Variants in IFT172 observed in about 807,000 individuals in gnomAD.
IFT172 encodes the protein intraflagellar transport 172, also known as intraflagellar transport protein 172 homolog.
IFT172 carries 164 observed loss-of-function variants against 248.9 expected under a neutral mutation model. The observed-to-expected ratio is 0.66, with a 90% CI of 0.58 to 0.75. IFT172 has a LOEUF of 0.75. Among genes scored for constraint, IFT172 ranks in the 30% least tolerant of loss-of-function variants. The pLI is 0.00. For missense variants in IFT172, 1,950 were observed against 2,192.4 expected, an observed-to-expected ratio of 0.89 and a Z score of 2.21; for synonymous variants, 729 against 791.6, an observed-to-expected ratio of 0.92 and a Z score of 1.33.
chr2:27,459,439 T>C lies in IFT172; in HGVS notation c.2726A>G (p.Asn909Ser), dbSNP rs752249715. 3 of 1,614,228 alleles carry C rather than the reference T, an allele frequency of 1.9e-6. No individual in the cohort carries two copies. The highest frequency in any genetic ancestry group is 1.3e-5 in the African/African-American group (1 of 75,058). The part of the protein sequence containing the change: ...AIYILDLQDR[N>S]TASKYYPLVA... ...GAGAGGATAGTATTTGGATGCAGTG[T>C]TCCGGTCCTGTAGATCTAATATATA... Residue 909 changes from asparagine to serine, a missense_variant, in exon 25 of 48, where the codon AAC becomes AGC. Physicochemically the swap from Asn to Ser is conservative, Grantham distance 46. Around this residue, in one of 3 missense-constraint regions of IFT172, gnomAD observed 1,166 missense variants for 1,254.1 expected, o/e 0.93. Coordinates refer to ENST00000260570, the MANE Select transcript of IFT172 (RefSeq NM_015662.3).
At position 27,454,801 on chromosome 2, in the gene IFT172, C is replaced by T. The variant is rs1029517603; in HGVS notation, c.3372-141G>A. The stretch of plus-strand genomic sequence containing the variant: ...TAACAAATATGAAGTGACAGAAAAG[C>T]GTGGAGAGATAAAAAGGAAGACGGG... On this transcript the variant is annotated intron_variant, in intron 30 of 47. Coordinates refer to ENST00000260570, the MANE Select transcript of IFT172 (RefSeq NM_015662.3). The surrounding 1 kb of genome is among the most constrained non-coding windows in gnomAD (Gnocchi z 4.2). The T allele has an allele frequency of 2.8e-6, 2 of 725,838 alleles. No individual in the cohort carries two copies. Among genetic ancestry groups the T allele is most frequent in the Admixed American group, 2.5e-5 (1 of 40,530 alleles). The allele number at this position is 725,838 out of a possible 1,614,324, so 45.0% of individuals were successfully genotyped here.
intron 7 of IFT172, 147 bp from the exon 8 acceptor site, chr2:27,481,407 T>A: frequency 4.9e-5 from 29 of 596,746 alleles, no homozygotes; most frequent in Non-Finnish European, 5.7e-5. Context: ...ATCCTAATCC[T>A]GAACTCTTCA....
At chr2:27,459,856 C>T (rs1666505733) in intron 23 of IFT172, 27 bp from the exon 24 acceptor site, 1 of 1,606,414 alleles carries the variant, frequency 6.2e-7, no homozygotes, top group Non-Finnish European at 8.5e-7. Flanking sequence ...AGATGCTCAG[C>T]CCAGATTTCC....
intron 7 of IFT172, among the ~76,000 whole-genome samples, chr2:27,481,475 A>C (rs934141273): frequency 4.0e-5 from 6 of 151,278 alleles, no homozygotes; most frequent in Non-Finnish European, 8.8e-5. Context: ...ACACACCCCT[A>C]TACACATAGG....
chr2:27,459,075 C>T lies in IFT172; in HGVS notation c.2788-207G>A, dbSNP rs553493006. 6.3e-6 allele frequency: 4 copies of T among 636,602 alleles called. No individual in the cohort carries two copies. In the African/African-American group the frequency reaches 7.3e-5, roughly 12 times the overall value. 39.4% of individuals were successfully genotyped at this position (636,602 alleles called of 1,614,324 possible). A position where few individuals can be genotyped will look rare whatever the true frequency, so the allele number is the denominator to read the frequency against. On this transcript the variant is annotated intron_variant, in intron 25 of 47. Transcript: ENST00000260570. ...CCCAAACAGTGGAATCCAAAAGGGC[C>T]TCACATTTCTGCAATGCAAAGCAAT...
chr2:27,484,150 C>A, intron 4 of IFT172, 77 bp downstream of exon 4: 1 of 1,578,918 alleles, frequency 6.3e-7, no homozygotes, highest in Non-Finnish European at 8.7e-7. Flanking sequence ...AAATGCAACT[C>A]CTGGCTGTAT....
chr2:27,458,178 T>A lies in IFT172; in HGVS notation c.2923A>T (p.Ile975Phe), dbSNP rs772460896. The A allele has an allele frequency of 6.2e-7, 1 of 1,614,158 alleles. No individual in the cohort carries two copies. Among genetic ancestry groups the A allele is most frequent in the South Asian group, 1.1e-5 (1 of 91,086 alleles). Residue 975 changes from isoleucine (I) to phenylalanine (F), a missense_variant, in exon 27 of 48, where the codon ATC becomes TTC. Physicochemically the swap from Ile to Phe is conservative, Grantham distance 21 (BLOSUM62 0). Around this residue, in one of 3 missense-constraint regions of IFT172, gnomAD observed 1,166 missense variants for 1,254.1 expected, o/e 0.93. Coordinates refer to ENST00000260570, the MANE Select transcript of IFT172 (RefSeq NM_015662.3). The part of the protein sequence containing the change: ...MRPEDVSVLY[I>F]TQAQEMEKQG... The stretch of plus-strand genomic sequence containing the variant: ...TTCTCCATTTCCTGGGCCTGAGTGA[T>A]GTATAGCACTGACACATCTTCTGGT...
chr2:27,448,786 G>C (rs905705036), intron 40 of IFT172, 129 bp downstream of exon 40: 2 of 688,258 alleles, frequency 2.9e-6, no homozygotes, highest in Admixed American at 2.1e-5. Context: ...GGAGATGCGT[G>C]GGGGGCTCTG....
chr2:27,445,881 C>T lies in IFT172; in HGVS notation c.4816-38G>A, dbSNP rs780617403. 2.5e-6 allele frequency: 4 copies of T among 1,614,156 alleles called. No individual in the cohort carries two copies. The highest frequency in any genetic ancestry group is 3.4e-6 in the Non-Finnish European group (4 of 1,180,010). ...GGGCAACCATGAACTAGGCACAGCTCGCGACTGGCAAAAACCTCCACCCTC... is the reference window on the plus strand; with the variant it reads ...GGGCAACCATGAACTAGGCACAGCTTGCGACTGGCAAAAACCTCCACCCTC... On this transcript the variant is annotated intron_variant, in intron 44 of 47. Coordinates refer to ENST00000260570, the MANE Select transcript of IFT172 (RefSeq NM_015662.3). The surrounding 1 kb of genome is among the most constrained non-coding windows in gnomAD (Gnocchi z 4.4).
At position 27,454,395 on chromosome 2, in the gene IFT172, A is replaced by C. The variant is rs575600732; in HGVS notation, c.3489T>G (p.Ala1163=). 22 of 1,614,106 alleles carry C rather than the reference A, an allele frequency of 1.4e-5. No homozygotes were observed. The highest frequency in any genetic ancestry group is 1.8e-5 in the Non-Finnish European group (21 of 1,180,040). Residue 1163 remains alanine (A), a synonymous_variant, in exon 32 of 48, where the codon GCT becomes GCG. Coordinates refer to ENST00000260570, the MANE Select transcript of IFT172 (RefSeq NM_015662.3). The surrounding 1 kb of genome is among the most constrained non-coding windows in gnomAD (Gnocchi z 4.2). ...TGGGTTTACCAGCTCTGATGAATTCAGCTTCAGCCTCTTCGAATTTACCCT... is the reference window on the plus strand; with the variant it reads ...TGGGTTTACCAGCTCTGATGAATTCCGCTTCAGCCTCTTCGAATTTACCCT... ...EDEGKFEEAE[A]EFIRAGKPKE... is the part of the protein sequence containing the mutation.
chr2:27,459,597 C>G (rs368206047), intron 24 of IFT172, 75 bp from the exon 25 acceptor site: 2 of 1,602,946 alleles, frequency 1.2e-6, no homozygotes, highest in Non-Finnish European at 8.5e-7. Context: ...ACCCTTTAAG[C>G]ACACTTCAAC....
chr2:27,459,339 C>T, intron 25 of IFT172, 39 bp downstream of exon 25: 6 of 1,608,202 alleles, frequency 3.7e-6, no homozygotes, highest in Non-Finnish European at 4.2e-6. Context: ...TTATCCTCTA[C>T]TGCATTGCCT....
chr2:27,453,947 C>A, intron 33 of IFT172, 35 bp downstream of exon 33: 2 of 1,577,666 alleles, frequency 1.3e-6, no homozygotes, highest in South Asian at 1.1e-5. Flanking sequence ...ACAAACTCTC[C>A]CCCTCCCCTC....
intron 18 of IFT172, among the ~76,000 whole-genome samples, chr2:27,463,692 G>A (rs1490553298): frequency 6.6e-6 from 1 of 152,102 alleles, no homozygotes; most frequent in African/African-American, 2.4e-5. Flanking sequence ...GGTAGTTGGA[G>A]GTCTCTCTGA....
At chr2:27,453,157 A>G (rs1419926290) in intron 35 of IFT172, 2 of 683,386 alleles carry the variant, frequency 2.9e-6, no homozygotes, top group Non-Finnish European at 5.5e-6. Context: ...TGAGCCATTT[A>G]TTGGTCTAAT....
At chr2:27,461,579 G>T in intron 21 of IFT172, 62 bp from the exon 22 acceptor site, 2 of 1,581,590 alleles carry the variant, frequency 1.3e-6, no homozygotes, top group Admixed American at 1.7e-5. Flanking sequence ...TGCCTCCCAT[G>T]CTTCTCCAAT....
Position 27,457,733 on chromosome 2 carries a change from A to C in IFT172, c.3134T>G (p.Leu1045Arg). ...LGKELEAEGRLQEAEYHYLEA... is the reference protein window; with the variant it reads ...LGKELEAEGRRQEAEYHYLEA... ...GAGGTAGTGGTACTCAGCCTCCTGT[A>C]GTCGGCCTTCAGCCTCCAGCTCCTG... Residue 1045 changes from leucine to arginine, a missense_variant, in exon 29 of 48, where the codon CTA (leucine) becomes CGA (arginine). By Grantham distance (102) the Leu-to-Arg change is moderately radical (BLOSUM62 -2). This residue lies in a region of IFT172 where 164 missense variants were observed against 239.3 expected (regional missense o/e 0.69). Coordinates refer to ENST00000260570, the MANE Select transcript of IFT172 (RefSeq NM_015662.3). The C allele has an allele frequency of 6.2e-7, 1 of 1,614,040 alleles. No individual in the cohort carries two copies. Among genetic ancestry groups the C allele is most frequent in the Non-Finnish European group, 8.5e-7 (1 of 1,179,982 alleles).
rs1355860343 is a variant in IFT172, at chr2:27,471,033, C to T, written c.1587G>A (p.Met529Ile). ...GCACGTCACTTCCTGGGACCCACTGCATATAGGAGCAGAAGTTGAGGATCA... is the reference window on the plus strand; with the variant it reads ...GCACGTCACTTCCTGGGACCCACTGTATATAGGAGCAGAAGTTGAGGATCA... ...KTMILNFCSY[M>I]QWVPGSDVLV... is the part of the protein sequence containing the mutation. The change falls in exon 16 of 48, where the codon ATG becomes ATA. Residue 529 changes from methionine (M) to isoleucine (I), a missense_variant. By Grantham distance (10) the Met-to-Ile change is conservative. This residue lies in a region of IFT172 where 1,166 missense variants were observed against 1,254.1 expected (regional missense o/e 0.93). Coordinates refer to ENST00000260570, the MANE Select transcript of IFT172 (RefSeq NM_015662.3). 12 of 1,613,952 alleles carry T rather than the reference C, an allele frequency of 7.4e-6. No individual in the cohort carries two copies. Among genetic ancestry groups the T allele is most frequent in the Non-Finnish European group, 1.0e-5 (12 of 1,179,964 alleles).
chr2:27,446,096 T>C, intron 43 of IFT172, 108 bp from the exon 44 acceptor site: 7 of 1,445,262 alleles, frequency 4.8e-6, no homozygotes, highest in Non-Finnish European at 6.8e-6. Context: ...TGAATGCTAT[T>C]TCTCTGGGAT....
Sources: gnomAD v4.1 joint callset for allele counts (sites outside exome capture counted in the v4.1 genomes callset) on GRCh38, gnomAD v4.1.1 for gene constraint, gnomAD v4.1.1 regional missense constraint, Gnocchi (gnomAD v3.1) non-coding constraint, MANE v1.5 for transcripts, NCBI Gene and HGNC (gene_info 2026-07-23, HGNC 2026-07-21) for gene names.